Variants in SHC3 observed in about 807,000 individuals in gnomAD.
The protein encoded by SHC3 is SHC-transforming protein 3.
In SHC3, 15 loss-of-function variants were observed where a neutral mutation model predicts 60.4. The observed-to-expected ratio is 0.25, with a 90% CI of 0.17 to 0.38. SHC3 has a LOEUF of 0.38. Among genes scored for constraint, SHC3 ranks in the 10% least tolerant of loss-of-function variants. The probability of loss-of-function intolerance (pLI) is 1.00; values close to 1 mark genes in which losing one functional copy is unlikely to be tolerated. For synonymous variants in SHC3, 294 were observed against 325.9 expected (o/e 0.90, Z 1.05); for missense variants, 677 against 786.1 (o/e 0.86, Z 1.66).
At chr9:89,103,368 C>T (rs930162900) in intron 2 of SHC3, among the ~76,000 whole-genome samples, 2 of 152,136 alleles carry the variant, frequency 1.3e-5, no homozygotes, top group African/African-American at 4.8e-5. Context: ...ATTGCAGTTA[C>T]AAGAAGAATT....
At chr9:89,028,610 C>CTATA (rs145088805) in intron 11 of SHC3, among the ~76,000 whole-genome samples, 21,970 of 143,138 alleles carry the variant, frequency 0.15, 3,244 homozygotes, top group African/African-American at 0.4. Flanking sequence ...TATATATATG[C>CTATA]TATAGATATA....
rs558451153 is a variant in SHC3 at position 89,012,857 on chromosome 9, G to A, written c.*590C>T. 6.6e-6 allele frequency: 1 copy of A among 152,346 alleles called. No individual in the cohort carries two copies. The highest frequency in any genetic ancestry group is 1.9e-4 in the East Asian group (1 of 5,166). The allele number at this position is 152,346 out of a possible 1,614,324, so 9.4% of individuals were successfully genotyped here. A position where few individuals can be genotyped will look rare whatever the true frequency, so the allele number is the denominator to read the frequency against. On this transcript the variant is annotated 3_prime_UTR_variant, in exon 12 of 12. Coordinates refer to ENST00000375835, the MANE Select transcript of SHC3 (RefSeq NM_016848.6). ...GTTGTGTAGACACCCCAGGCACGTG[G>A]AGTGCAGTGCAGGGAGCACAGGAGG...
chr9:89,117,541 T>C (rs903375548), intron 1 of SHC3, among the ~76,000 whole-genome samples: 1 of 152,216 alleles, frequency 6.6e-6, no homozygotes, highest in African/African-American at 2.4e-5. Flanking sequence ...CAATCATCTT[T>C]CTTTTGGTGG....
At chr9:89,065,442 G>A (rs534844807) in intron 6 of SHC3, 87 bp downstream of exon 6, 3 of 1,348,386 alleles carry the variant, frequency 2.2e-6, no homozygotes, top group South Asian at 2.4e-5. Flanking sequence ...TGTTGGGAGG[G>A]GGCTGAGATA....
chr9:89,117,559 A>C (rs1348318362), intron 1 of SHC3, among the ~76,000 whole-genome samples: 2 of 152,094 alleles, frequency 1.3e-5, no homozygotes, highest in Non-Finnish European at 2.9e-5. Flanking sequence ...TGGCATCTAC[A>C]TTTTATCTGA....
At chr9:89,109,942 T>G (rs1032766631) in intron 2 of SHC3, 1 of 985,368 alleles carries the variant, frequency 1.0e-6, no homozygotes, top group Non-Finnish European at 1.2e-6. Context: ...CTGACCTGCA[T>G]GTTCCTTCAT....
intron 1 of SHC3, among the ~76,000 whole-genome samples, chr9:89,161,616 C>G (rs1214022091): frequency 6.6e-6 from 1 of 152,074 alleles, no homozygotes; most frequent in African/African-American, 2.4e-5. Flanking sequence ...CTATCTATGA[C>G]AAACCCACAG....
intron 1 of SHC3, among the ~76,000 whole-genome samples, chr9:89,176,729 A>G (rs1826947059): frequency 6.6e-6 from 1 of 152,222 alleles, no homozygotes; most frequent in South Asian, 2.1e-4. Flanking sequence ...ATAATAATCC[A>G]TAGTTTGAAG....
At chr9:89,060,101 G>T (rs1404975031) in intron 6 of SHC3, among the ~76,000 whole-genome samples, 1 of 149,500 alleles carries the variant, frequency 6.7e-6, no homozygotes, top group Non-Finnish European at 1.5e-5. Context: ...GGAGGTGGTG[G>T]AGGATGTGGT....
At chr9:89,165,440 T>A (rs1293877933) in intron 1 of SHC3, among the ~76,000 whole-genome samples, 1 of 151,374 alleles carries the variant, frequency 6.6e-6, no homozygotes, top group Non-Finnish European at 1.5e-5. Flanking sequence ...AGAGAGGCTG[T>A]ATCATTTTTT....
At chr9:89,060,355 G>A (rs1003850154) in intron 6 of SHC3, among the ~76,000 whole-genome samples, 1 of 151,838 alleles carries the variant, frequency 6.6e-6, no homozygotes, top group Non-Finnish European at 1.5e-5. Context: ...GGTAGAGGAC[G>A]TGGTGGAGGA....
intron 2 of SHC3, among the ~76,000 whole-genome samples, chr9:89,086,209 T>A (rs1056540931): frequency 6.6e-6 from 1 of 152,158 alleles, no homozygotes; most frequent in Non-Finnish European, 1.5e-5. Flanking sequence ...CCAATTCAGA[T>A]CCCCAGGCTG....
intron 2 of SHC3, among the ~76,000 whole-genome samples, chr9:89,085,802 A>G (rs909297632): frequency 3.3e-5 from 5 of 152,204 alleles, no homozygotes; most frequent in African/African-American, 1.2e-4. Context: ...CCCTCAAGGC[A>G]TTAGAGTTCT....
chr9:89,142,028 C>T (rs1693163354), intron 1 of SHC3, among the ~76,000 whole-genome samples: 1 of 152,132 alleles, frequency 6.6e-6, no homozygotes, highest in Admixed American at 6.5e-5. Context: ...AAAAGCTCCC[C>T]ATGTCCCTTC....
At chr9:89,140,341 C>A (rs945951455) in intron 1 of SHC3, among the ~76,000 whole-genome samples, 1 of 152,048 alleles carries the variant, frequency 6.6e-6, no homozygotes, top group Non-Finnish European at 1.5e-5. Context: ...AGATTCCCCC[C>A]CCCAGATTAA....
intron 9 of SHC3, among the ~76,000 whole-genome samples, chr9:89,043,491 C>T (rs1330784476): frequency 6.6e-6 from 1 of 152,172 alleles, no homozygotes; most frequent in Non-Finnish European, 1.5e-5. Flanking sequence ...GCATAATCTT[C>T]CTGACTGCCC....
rs1825998915 is a variant in SHC3, at chr9:89,010,325, GC to G, written c.*3121del. 2.0e-5 allele frequency: 3 copies of G among 152,254 alleles called. No homozygotes were observed. The South Asian group carries it at 6.2e-4, about 32-fold the overall frequency. The allele number at this position is 152,254 out of a possible 1,614,324, so 9.4% of individuals were successfully genotyped here. A position where few individuals can be genotyped will look rare whatever the true frequency, so the allele number is the denominator to read the frequency against. Reference sequence around the variant, plus strand: ...ACCTCCCCACCCGATTCTCCGGTTAGCTACTCAGAGGCAGCCTTGGAGGTCA... The same window carrying G: ...ACCTCCCCACCCGATTCTCCGGTTAGTACTCAGAGGCAGCCTTGGAGGTCA... On this transcript the variant is annotated 3_prime_UTR_variant, in exon 12 of 12. Transcript: ENST00000375835.
At chr9:89,079,538 A>G (rs979559814) in intron 2 of SHC3, among the ~76,000 whole-genome samples, 1 of 151,826 alleles carries the variant, frequency 6.6e-6, no homozygotes, top group African/African-American at 2.4e-5. Flanking sequence ...CATGGAGTCT[A>G]AAAGAAAAAA....
chr9:89,178,136 C>T lies in SHC3; in HGVS notation c.325G>A (p.Asp109Asn). 2.5e-6 allele frequency: 3 copies of T among 1,185,592 alleles called. No individual in the cohort carries two copies. Among genetic ancestry groups the T allele is most frequent in the Non-Finnish European group, 3.1e-6 (3 of 958,906 alleles). The allele number at this position is 1,185,592 out of a possible 1,614,324, so 73.4% of individuals were successfully genotyped here. A position where few individuals can be genotyped will look rare whatever the true frequency, so the allele number is the denominator to read the frequency against. Residue 109 changes from aspartate (D) to asparagine (N), a missense_variant, in exon 1 of 12, where the codon GAC becomes AAC. Coordinates refer to ENST00000375835, the MANE Select transcript of SHC3 (RefSeq NM_016848.6). This position sits in a 1 kb window ranked among gnomAD's most constrained non-coding sequence, Gnocchi z 6.9. ...CGGGGCGCCGAGGGCGCACTGCCGT[C>T]CGGGGCGGCCAGGCTGGGCGCGCTG... ...SCSAPSLAAPDGSAPSAPRAP... is the reference protein window; with the variant it reads ...SCSAPSLAAPNGSAPSAPRAP...
Sources: allele counts gnomAD v4.1 joint callset (sites outside exome capture counted in the v4.1 genomes callset), GRCh38; gene constraint gnomAD v4.1.1; non-coding constraint Gnocchi (gnomAD v3.1); transcripts MANE v1.5; gene names NCBI Gene and HGNC (gene_info 2026-07-23, HGNC 2026-07-21).